Variants in GNAS observed in about 807,000 individuals in gnomAD.
GNAS encodes the protein GNAS complex locus, also known as protein ALEX.
In GNAS, 8 loss-of-function variants were observed where a neutral mutation model predicts 54.5. The ratio of observed to expected loss-of-function variants is 0.15; its 90% confidence interval spans 0.09 to 0.26. The LOEUF is 0.26. Ranked by LOEUF, GNAS falls within the 10% of genes least tolerant of loss-of-function variation. The pLI, the probability that GNAS is intolerant of heterozygous loss-of-function variation, is 1.00. For synonymous variants in GNAS, 204 were observed against 191.4 expected (o/e 1.07, Z -0.54); for missense variants, 170 against 529.8 (o/e 0.32, Z 6.67).
At chr20:58,894,268 A>G (rs945035357) in intron 1 of GNAS, among the ~76,000 whole-genome samples, 3 of 152,264 alleles carry the variant, frequency 2.0e-5, no homozygotes, top group Non-Finnish European at 4.4e-5. Flanking sequence ...TTCTGAAATT[A>G]GAATATTAGA....
rs1303487601 is a variant in GNAS at position 58,891,454 on chromosome 20, C to T, written c.-273C>T. Reference sequence around the variant, plus strand: ...CCGCAGCTCCTGCTCTGGTCCGCCTCGGCCCGGCGGCGGCCATCAGCCCCC... The same window carrying T: ...CCGCAGCTCCTGCTCTGGTCCGCCTTGGCCCGGCGGCGGCCATCAGCCCCC... On this transcript the variant is annotated 5_prime_UTR_variant, in exon 1 of 13. Coordinates refer to ENST00000371085, the MANE Select transcript of GNAS (RefSeq NM_000516.7). The T allele has an allele frequency of 2.9e-5, 21 of 718,830 alleles. No individual in the cohort carries two copies. The highest frequency in any genetic ancestry group is 1.2e-4 in the South Asian group (2 of 16,910). 44.5% of individuals were successfully genotyped at this position (718,830 alleles called of 1,614,324 possible).
rs755140558 is a variant in GNAS at position 58,910,123 on chromosome 20, G to A, written c.970+42G>A. ...CTCTTGCTGGCTGTTCATTGCGGTG[G>A]TTCTTTTTCAAACGGTCAGGCTGAA... On this transcript the variant is annotated intron_variant, in intron 11 of 12. Transcript: ENST00000371085. The surrounding 1 kb of genome is among the most constrained non-coding windows in gnomAD (Gnocchi z 5.8). 105 of 1,605,798 alleles carry A rather than the reference G, an allele frequency of 6.5e-5. No homozygotes were observed. Among genetic ancestry groups the A allele is most frequent in the Non-Finnish European group, 8.7e-5 (102 of 1,172,738 alleles).
At chr20:58,846,216 TAAAG>T (rs897909504) in intron 1 of GNAS, among the ~76,000 whole-genome samples, 2 of 152,156 alleles carry the variant, frequency 1.3e-5, no homozygotes, top group Non-Finnish European at 2.9e-5. Flanking sequence ...TTGGCGGTTA[TAAAG>T]AAAGTCGTTT....
At chr20:58,894,666 A>G (rs139583309) in intron 1 of GNAS, among the ~76,000 whole-genome samples, 15 of 152,322 alleles carry the variant, frequency 9.8e-5, no homozygotes, top group African/African-American at 3.4e-4. Context: ...TGAAACATAT[A>G]TGTATTTTTA....
chr20:58,898,789 ACCTAAGAATTGC>A (rs2090327578), intron 2 of GNAS, 140 bp from the exon 3 acceptor site: 5 of 774,368 alleles, frequency 6.5e-6, no homozygotes. Flanking sequence ...CAGAAAGGCG[ACCTAAGAATTGC>A]CGGGAGGATG....
intron 1 of GNAS, among the ~76,000 whole-genome samples, chr20:58,851,548 C>A (rs75648958): frequency 0.016 from 2,468 of 152,268 alleles, 70 homozygotes; most frequent in African/African-American, 0.056. Flanking sequence ...TTTTATGTGA[C>A]CCCCTTACAG....
chr20:58,862,978 AGAAAG>A (rs2086859477), intron 1 of GNAS, among the ~76,000 whole-genome samples: 1 of 151,772 alleles, frequency 6.6e-6, no homozygotes. Context: ...AAAAAAAAAA[AGAAAG>A]AAAGAAAATG....
At chr20:58,849,463 G>A (rs1051335322) in intron 1 of GNAS, among the ~76,000 whole-genome samples, 4 of 152,170 alleles carry the variant, frequency 2.6e-5, no homozygotes, top group African/African-American at 9.7e-5. Flanking sequence ...ATCTTTGTAA[G>A]TACGATTGCC....
At chr20:58,898,710 T>A (rs2090319445) in intron 2 of GNAS, 6 of 622,410 alleles carry the variant, frequency 9.6e-6, no homozygotes, top group Non-Finnish European at 1.4e-5. Flanking sequence ...AGAGCTCTGT[T>A]AATACTGCAG....
At chr20:58,894,911 C>T (rs1391890499) in intron 1 of GNAS, among the ~76,000 whole-genome samples, 2 of 152,150 alleles carry the variant, frequency 1.3e-5, no homozygotes, top group East Asian at 1.9e-4. Context: ...AATTGATGGT[C>T]TCCCCTTTTC....
Position 58,854,994 on chromosome 20 carries a change from A to G in GNAS, c.43+14108A>G, listed in dbSNP as rs760823726. ...GGTGGCCAGCAGCGACGATGACTCCAGCGGAGACGAGTCCGACGATGGGAC... is the reference window on the plus strand; with the variant it reads ...GGTGGCCAGCAGCGACGATGACTCCGGCGGAGACGAGTCCGACGATGGGAC... On this transcript the variant is annotated intron_variant, in intron 1 of 12. Coordinates refer to the GNAS transcript ENST00000306090. 3.6e-5 allele frequency: 58 copies of G among 1,612,612 alleles called. 1 individual carries two copies. The South Asian group carries it at 6.1e-4, about 17-fold the overall frequency.
In GNAS at chr20:58,840,908, T is replaced by A. The variant is rs2085691404; in HGVS notation, c.43+22T>A. 12 of 1,610,998 alleles carry A rather than the reference T, an allele frequency of 7.4e-6. No individual in the cohort carries two copies. Among genetic ancestry groups the A allele is most frequent in the Admixed American group, 1.7e-5 (1 of 59,854 alleles). On this transcript the variant is annotated intron_variant, in intron 1 of 12. Coordinates refer to the GNAS transcript ENST00000306090. The surrounding 1 kb of genome is among the most constrained non-coding windows in gnomAD (Gnocchi z 6.0). The stretch of plus-strand genomic sequence containing the variant: ...TCAGGTTAGTTGCCCACCGCTAAAC[T>A]GGGGAGCCTGAGGGCGGTGTGGGAG...
intron 6 of GNAS, among the ~76,000 whole-genome samples, chr20:58,906,632 A>G (rs1569022656): frequency 6.6e-6 from 1 of 152,234 alleles, no homozygotes; most frequent in Admixed American, 6.5e-5. Context: ...CCTGGGTTCA[A>G]GTGATTCTCC....
At position 58,841,363 on chromosome 20, in the gene GNAS, C is replaced by G; in HGVS notation, c.43+477C>G. ...TGAGAGCAGCCGCGCTGTAGAGACA[C>G]CGTTGAAATGTGCGGAAAGTAATCT... On this transcript the variant is annotated intron_variant, in intron 1 of 12. Transcript: ENST00000306090. The surrounding 1 kb of genome is among the most constrained non-coding windows in gnomAD (Gnocchi z 5.0). 1 of 1,029,888 alleles carries G rather than the reference C, an allele frequency of 9.7e-7. No homozygotes were observed. Among genetic ancestry groups the G allele is most frequent in the Non-Finnish European group, 1.2e-6 (1 of 857,138 alleles). 63.8% of individuals were successfully genotyped at this position (1,029,888 alleles called of 1,614,324 possible).
At chr20:58,848,473 T>C (rs943302262) in intron 1 of GNAS, among the ~76,000 whole-genome samples, 2 of 152,226 alleles carry the variant, frequency 1.3e-5, no homozygotes, top group African/African-American at 4.8e-5. Flanking sequence ...TCTTTTCCCA[T>C]GATGGCAATC....
At chr20:58,888,017 T>G (rs2088710385), upstream of GNAS, among the ~76,000 whole-genome samples, 1 of 152,226 alleles carries the variant, frequency 6.6e-6, no homozygotes, top group Non-Finnish European at 1.5e-5. Flanking sequence ...CTTAAAATGA[T>G]ACAAGTTTGC....
chr20:58,854,593 C>T lies in GNAS; in HGVS notation c.43+13707C>T. ...CCTGCCGCCCCAGCCGATCCCGACT[C>T]CGGGGCGGCCCCTGACGCCCCAGCC... On this transcript the variant is annotated intron_variant, in intron 1 of 12. Coordinates refer to the GNAS transcript ENST00000306090. 3 of 1,543,960 alleles carry T rather than the reference C, an allele frequency of 1.9e-6. No individual in the cohort carries two copies. Among genetic ancestry groups the T allele is most frequent in the Non-Finnish European group, 2.6e-6 (3 of 1,152,830 alleles).
At chr20:58,890,182 A>T (rs898479439), upstream of GNAS, among the ~76,000 whole-genome samples, 9 of 151,706 alleles carry the variant, frequency 5.9e-5, no homozygotes, top group South Asian at 1.9e-3. Flanking sequence ...GAGAGGAAGA[A>T]GATGGAGAAG....
Position 58,854,256 on chromosome 20 carries a change from G to A in GNAS, c.43+13370G>A, listed in dbSNP as rs373476619. On this transcript the variant is annotated intron_variant, in intron 1 of 12. Coordinates refer to the GNAS transcript ENST00000306090. ...CGTCAACATGGACAGCCCCCCAATC[G>A]CGCTTGACGGCCCGCCCATCAAGGT... is the stretch of plus-strand genomic sequence containing the variant. 3.1e-6 allele frequency: 5 copies of A among 1,612,998 alleles called. No homozygotes were observed. The African/African-American group carries it at 4.0e-5, about 13-fold the overall frequency.
Sources: allele counts gnomAD v4.1 joint callset (sites outside exome capture counted in the v4.1 genomes callset), GRCh38; gene constraint gnomAD v4.1.1; non-coding constraint Gnocchi (gnomAD v3.1); transcripts MANE v1.5; gene names NCBI Gene and HGNC (gene_info 2026-07-23, HGNC 2026-07-21).